The following ENTREP2 variants were observed in gnomAD, a reference collection of about 807,000 sequenced individuals.
ENTREP2 encodes the protein protein ENTREP2.
the ENTREP2 span, among the ~76,000 whole-genome samples, chr15:29,236,489 A>T: frequency 6.9e-6 from 1 of 145,386 alleles, no homozygotes; most frequent in Non-Finnish European, 1.5e-5. Flanking sequence ...TATAAAACAT[A>T]AAAAAAAAAA....
the ENTREP2 span, among the ~76,000 whole-genome samples, chr15:29,524,063 A>G: frequency 6.6e-6 from 1 of 152,190 alleles, no homozygotes; most frequent in Non-Finnish European, 1.5e-5. Flanking sequence ...TTGTGCTTCA[A>G]TGGACACCAT....
chr15:29,664,450 T>C, the ENTREP2 span, among the ~76,000 whole-genome samples: 109 of 145,222 alleles, frequency 7.5e-4, no homozygotes, highest in East Asian at 2.8e-3. Flanking sequence ...CTCTCTCTCT[T>C]TTTTTTTTTT....
the ENTREP2 span, among the ~76,000 whole-genome samples, chr15:29,250,059 C>A: frequency 1.3e-5 from 2 of 152,132 alleles, no homozygotes; most frequent in Admixed American, 6.5e-5. Context: ...GCAGTCTCCA[C>A]CTCCAACGCT....
At chr15:29,667,198 T>C in the ENTREP2 span, among the ~76,000 whole-genome samples, 1 of 151,882 alleles carries the variant, frequency 6.6e-6, no homozygotes, top group Non-Finnish European at 1.5e-5. Flanking sequence ...TTTCCTTTTT[T>C]TTTTTTTGAG....
At chr15:29,343,315 T>C in the ENTREP2 span, among the ~76,000 whole-genome samples, 4 of 152,128 alleles carry the variant, frequency 2.6e-5, no homozygotes, top group African/African-American at 9.7e-5. Flanking sequence ...GTTAAGCAGA[T>C]TACCCTCCAT....
the ENTREP2 span, among the ~76,000 whole-genome samples, chr15:29,388,792 G>T: frequency 6.6e-6 from 1 of 152,052 alleles, no homozygotes; most frequent in Non-Finnish European, 1.5e-5. Context: ...CCATAAAAAA[G>T]GATGAGTTCA....
At chr15:29,175,468 C>G in the ENTREP2 span, among the ~76,000 whole-genome samples, 694 of 152,334 alleles carry the variant, frequency 4.6e-3, 2 homozygotes, top group African/African-American at 0.016. Context: ...TGCATGAATG[C>G]TTAAGGAAAA....
chr15:29,545,536 T>C, the ENTREP2 span, among the ~76,000 whole-genome samples: 1 of 152,236 alleles, frequency 6.6e-6, no homozygotes, highest in African/African-American at 2.4e-5. Context: ...GTAGATATTT[T>C]ATGAAAGCTT....
chr15:29,674,543 C>T, the ENTREP2 span, among the ~76,000 whole-genome samples: 11 of 152,184 alleles, frequency 7.2e-5, no homozygotes, highest in Non-Finnish European at 1.5e-4. Flanking sequence ...GCCGGGATTA[C>T]AGGCGTGAGC....
At chr15:29,206,736 C>T in the ENTREP2 span, among the ~76,000 whole-genome samples, 15 of 151,940 alleles carry the variant, frequency 9.9e-5, no homozygotes, top group Non-Finnish European at 1.8e-4. Flanking sequence ...GACGCACATA[C>T]GGTAAATATA....
At chr15:29,446,237 C>A in the ENTREP2 span, among the ~76,000 whole-genome samples, 1 of 152,202 alleles carries the variant, frequency 6.6e-6, no homozygotes, top group Admixed American at 6.5e-5. Context: ...AAGCTACCGA[C>A]TCTAAGGCAT....
At chr15:29,426,360 G>A in the ENTREP2 span, among the ~76,000 whole-genome samples, 3 of 152,226 alleles carry the variant, frequency 2.0e-5, 1 homozygote, top group Admixed American at 2.0e-4. Flanking sequence ...TAGTATTAAT[G>A]TGATTATTTT....
At chr15:29,219,758 T>G in the ENTREP2 span, among the ~76,000 whole-genome samples, 1 of 149,878 alleles carries the variant, frequency 6.7e-6, no homozygotes, top group Non-Finnish European at 1.5e-5. Flanking sequence ...GTGAAGTAAA[T>G]CAAGAATGGA....
At chr15:29,293,638 T>A in the ENTREP2 span, among the ~76,000 whole-genome samples, 3 of 152,124 alleles carry the variant, frequency 2.0e-5, no homozygotes, top group African/African-American at 7.2e-5. Flanking sequence ...CAGAAGCAGG[T>A]GTGAGCTGCT....
At chr15:29,456,408 G>T in the ENTREP2 span, among the ~76,000 whole-genome samples, 1 of 152,190 alleles carries the variant, frequency 6.6e-6, no homozygotes, top group Non-Finnish European at 1.5e-5. Flanking sequence ...GCAGCAACAT[G>T]AATCAAGAGA....
At chr15:29,369,751 A>C in the ENTREP2 span, among the ~76,000 whole-genome samples, 1 of 152,260 alleles carries the variant, frequency 6.6e-6, no homozygotes, top group Non-Finnish European at 1.5e-5. Flanking sequence ...TCAGGTTGAA[A>C]TTTAATTGCC....
the ENTREP2 span, among the ~76,000 whole-genome samples, chr15:29,490,413 C>T: frequency 6.6e-6 from 1 of 152,180 alleles, no homozygotes; most frequent in Non-Finnish European, 1.5e-5. Context: ...AAACAGTTTG[C>T]GGCTGCTGGC....
At chr15:29,542,391 C>T in the ENTREP2 span, among the ~76,000 whole-genome samples, 1 of 151,934 alleles carries the variant, frequency 6.6e-6, no homozygotes, top group East Asian at 1.9e-4. Flanking sequence ...CTCCACTTCC[C>T]GGGTTCACGC....
chr15:29,444,484 C>CT, the ENTREP2 span, among the ~76,000 whole-genome samples: 43 of 126,092 alleles, frequency 3.4e-4, no homozygotes, highest in Non-Finnish European at 4.8e-4. Context: ...TCTTTTTTTT[C>CT]TTTTTTTTTT....
Sources: allele counts gnomAD v4.1 joint callset (sites outside exome capture counted in the v4.1 genomes callset), GRCh38; gene constraint gnomAD v4.1.1; transcripts MANE v1.5; gene names NCBI Gene and HGNC (gene_info 2026-07-23, HGNC 2026-07-21).